The following TMC1 variants were observed in gnomAD, a reference collection of about 807,000 sequenced individuals.
TMC1 encodes the protein transmembrane channel-like protein 1.
TMC1 carries 84 observed loss-of-function variants against 105.8 expected under a neutral mutation model. The observed-to-expected ratio is 0.79, with a 90% CI of 0.67 to 0.95. The LOEUF is 0.95. Ranked by LOEUF, TMC1 falls within the 40% of genes least tolerant of loss-of-function variation. The pLI is 0.00. For missense variants in TMC1, 817 were observed against 914.1 expected (o/e 0.89, Z 1.37); for synonymous variants, 315 against 311.5 (o/e 1.01, Z -0.12).
At chr9:72,685,956 A>G (rs1361023817) in intron 5 of TMC1, among the ~76,000 whole-genome samples, 1 of 152,212 alleles carries the variant, frequency 6.6e-6, no homozygotes, top group African/African-American at 2.4e-5. Flanking sequence ...AGCATTATAG[A>G]TTTAAAAAGA....
At chr9:72,538,809 G>T (rs769099086) in intron 1 of TMC1, among the ~76,000 whole-genome samples, 18 of 152,040 alleles carry the variant, frequency 1.2e-4, no homozygotes, top group Non-Finnish European at 1.8e-4. Context: ...TCAGAGTCGG[G>T]TTCAAATTTG....
At chr9:72,527,734 G>A (rs2132054983) in intron 1 of TMC1, among the ~76,000 whole-genome samples, 1 of 152,282 alleles carries the variant, frequency 6.6e-6, no homozygotes, top group East Asian at 1.9e-4. Flanking sequence ...TTGTTCTGTT[G>A]CCACTGCTAC....
rs541390126 is a variant in TMC1 at position 72,814,228 on chromosome 9, G to T, written c.1696-1915G>T. Among the ~76,000 whole-genome samples, 12 of 152,278 alleles carry T rather than the reference G, an allele frequency of 7.9e-5. No individual in the cohort carries two copies. The South Asian group carries it at 2.5e-3, about 32-fold the overall frequency. Reference sequence around the variant, plus strand: ...AAGGCTGTTCCAAGGCAACAGATGGGTACGGGCCAACCGAGTAAGCATTTT... The same window carrying T: ...AAGGCTGTTCCAAGGCAACAGATGGTTACGGGCCAACCGAGTAAGCATTTT... On this transcript the variant is annotated intron_variant, in intron 18 of 23. Coordinates refer to ENST00000297784, the MANE Select transcript of TMC1 (RefSeq NM_138691.3).
chr9:72,602,740 A>C (rs1824839753), intron 2 of TMC1, among the ~76,000 whole-genome samples: 1 of 152,080 alleles, frequency 6.6e-6, no homozygotes, highest in Non-Finnish European at 1.5e-5. Flanking sequence ...CCCTGAGAAC[A>C]TTTTGTTGGT....
At chr9:72,629,199 C>G (rs548943599) in intron 4 of TMC1, among the ~76,000 whole-genome samples, 52 of 152,212 alleles carry the variant, frequency 3.4e-4, no homozygotes, top group African/African-American at 1.2e-3. Flanking sequence ...AATGGCAGAG[C>G]TGGGAGTTTG....
At chr9:72,545,415 G>A (rs1282657255) in intron 1 of TMC1, among the ~76,000 whole-genome samples, 1 of 151,678 alleles carries the variant, frequency 6.6e-6, no homozygotes, top group Non-Finnish European at 1.5e-5. Context: ...CTTAACTTTG[G>A]CAAACTGGTC....
chr9:72,836,085 C>A lies in TMC1; in HGVS notation c.*112C>A. The A allele has an allele frequency of 8.0e-7, 1 of 1,256,940 alleles. No homozygotes were observed. The highest frequency in any genetic ancestry group is 1.2e-6 in the Non-Finnish European group (1 of 865,382). 77.9% of individuals were successfully genotyped at this position (1,256,940 alleles called of 1,614,324 possible). A position where few individuals can be genotyped will look rare whatever the true frequency, so the allele number is the denominator to read the frequency against. ...GTGGAACTGCTATTTTCCTGTTCTACCCTTGATGGATTTTCAAGGTCATGC... is the reference window on the plus strand; with the variant it reads ...GTGGAACTGCTATTTTCCTGTTCTAACCTTGATGGATTTTCAAGGTCATGC... On this transcript the variant is annotated 3_prime_UTR_variant, in exon 24 of 24. Coordinates refer to ENST00000297784, the MANE Select transcript of TMC1 (RefSeq NM_138691.3).
chr9:72,617,908 GGT>G (rs58657161), intron 3 of TMC1, among the ~76,000 whole-genome samples: 14,048 of 144,156 alleles, frequency 0.097, 571 homozygotes, highest in Middle Eastern at 0.11. Context: ...GTCTATGTGT[GGT>G]GTGTGTGTGT....
At chr9:72,740,524 C>G (rs1329100725) in intron 9 of TMC1, among the ~76,000 whole-genome samples, 1 of 152,066 alleles carries the variant, frequency 6.6e-6, no homozygotes, top group Admixed American at 6.5e-5. Flanking sequence ...TGAAGGGGTT[C>G]TGGTCAAGTT....
intron 2 of TMC1, among the ~76,000 whole-genome samples, chr9:72,598,140 T>C (rs985426639): frequency 2.0e-5 from 3 of 152,234 alleles, no homozygotes; most frequent in African/African-American, 4.8e-5. Flanking sequence ...GTAGCTTGGC[T>C]ATCATCTTTT....
At chr9:72,767,163 A>G (rs1368750428) in intron 12 of TMC1, among the ~76,000 whole-genome samples, 2 of 152,252 alleles carry the variant, frequency 1.3e-5, no homozygotes, top group Admixed American at 1.3e-4. Flanking sequence ...AAGTAGAAAT[A>G]CACCCAGACT....
intron 21 of TMC1, among the ~76,000 whole-genome samples, 157 bp from the exon 22 acceptor site, chr9:72,830,294 C>T (rs1377284085): frequency 2.0e-5 from 3 of 152,144 alleles, no homozygotes; most frequent in Non-Finnish European, 4.4e-5. Context: ...CCTCTCTGGA[C>T]CTCAGCTTTT....
intron 3 of TMC1, among the ~76,000 whole-genome samples, chr9:72,621,637 T>C (rs1042330693): frequency 2.6e-5 from 4 of 152,074 alleles, no homozygotes; most frequent in Admixed American, 6.5e-5. Flanking sequence ...GTACAGCAAA[T>C]GAGTAGAGAA....
intron 1 of TMC1, among the ~76,000 whole-genome samples, chr9:72,546,105 A>G (rs1247241740): frequency 6.6e-6 from 1 of 151,276 alleles, no homozygotes; most frequent in South Asian, 2.1e-4. Context: ...CAACATGGTG[A>G]CACCCCAGCT....
intron 8 of TMC1, among the ~76,000 whole-genome samples, chr9:72,728,219 T>G (rs1439616255): frequency 6.6e-6 from 1 of 152,100 alleles, no homozygotes; most frequent in Non-Finnish European, 1.5e-5. Context: ...TTTAAAGAAG[T>G]GACAAGACAA....
At chr9:72,712,058 T>A (rs1027970261) in intron 8 of TMC1, among the ~76,000 whole-genome samples, 2 of 152,212 alleles carry the variant, frequency 1.3e-5, no homozygotes, top group Non-Finnish European at 2.9e-5. Flanking sequence ...TTGTCAGGTT[T>A]GTCAAAGATC....
At chr9:72,584,802 T>TTTTTTTTTG (rs1468413222) in intron 2 of TMC1, among the ~76,000 whole-genome samples, 1 of 148,528 alleles carries the variant, frequency 6.7e-6, no homozygotes, top group Non-Finnish European at 1.5e-5. Flanking sequence ...TTTTTTTTTT[T>TTTTTTTTTG]GAGACAGGGT....
At chr9:72,547,074 G>T (rs935226282) in intron 1 of TMC1, among the ~76,000 whole-genome samples, 1 of 152,080 alleles carries the variant, frequency 6.6e-6, no homozygotes, top group African/African-American at 2.4e-5. Flanking sequence ...ATCACCTGAG[G>T]TCAGGAGTTT....
intron 5 of TMC1, among the ~76,000 whole-genome samples, chr9:72,671,902 A>T (rs934241579): frequency 2.6e-5 from 4 of 152,214 alleles, no homozygotes; most frequent in African/African-American, 9.6e-5. Context: ...AAAAAATAAG[A>T]TATAACTGGG....
Sources: gnomAD v4.1 joint callset for allele counts (sites outside exome capture counted in the v4.1 genomes callset) on GRCh38, gnomAD v4.1.1 for gene constraint, MANE v1.5 for transcripts, NCBI Gene and HGNC (gene_info 2026-07-23, HGNC 2026-07-21) for gene names.